The following CD99L2 variants were observed in gnomAD, a reference collection of about 807,000 sequenced individuals.
The protein encoded by CD99L2 is CD99 molecule like 2.
CD99L2 carries 24 observed loss-of-function variants against 27.3 expected under a neutral mutation model. The observed-to-expected ratio is 0.88, with a 90% CI of 0.64 to 1.24. The LOEUF is 1.24. Ranked by LOEUF, CD99L2 falls within the 50% of genes most tolerant of loss-of-function variation. CD99L2 has a pLI of 0.00. For missense variants in CD99L2, 255 were observed against 221.6 expected (o/e 1.15, Z -0.96); for synonymous variants, 97 against 87.9 (o/e 1.10, Z -0.58).
chrX:150,844,586 C>T (rs781950822), intron 1 of CD99L2, among the ~76,000 whole-genome samples: 1 of 112,236 alleles, frequency 8.9e-6, no homozygotes, highest in East Asian at 2.8e-4. Context: ...TGCTTTCACA[C>T]CTCAAAGCAT....
chrX:150,795,122 C>T, intron 6 of CD99L2, 84 bp downstream of exon 6: 1 of 1,094,201 alleles, frequency 9.1e-7, no homozygotes, highest in African/African-American at 1.8e-5. Context: ...CTTGAAGTGC[C>T]TCCAGCTCTG....
rs73611454 is a variant in CD99L2, at chrX:150,889,114, T to C, written c.67+9408A>G. ...GTGTCTTTTAAGATACATGTGACTA[T>C]GTATAGTTGCTTCCAGGTCTGTCTG... On this transcript the variant is annotated intron_variant, in intron 1 of 10. Transcript: ENST00000370377. Among the ~76,000 whole-genome samples the C allele has an allele frequency of 9.1e-3, 1,023 of 112,877 alleles. 12 individuals are homozygous for C. Among genetic ancestry groups the C allele is most frequent in the African/African-American group, 0.031 (975 of 31,120 alleles).
intron 1 of CD99L2, among the ~76,000 whole-genome samples, chrX:150,893,101 A>C (rs2047546374): frequency 8.9e-6 from 1 of 112,013 alleles, no homozygotes; most frequent in Non-Finnish European, 1.9e-5. Flanking sequence ...TCTCAAAAAA[A>C]AACAAAGAAA....
intron 1 of CD99L2, among the ~76,000 whole-genome samples, chrX:150,862,367 A>G (rs1180119894): frequency 9.0e-6 from 1 of 111,394 alleles, no homozygotes; most frequent in Non-Finnish European, 1.9e-5. Context: ...AAGGGTCCCT[A>G]TAAGTAAAAC....
intron 4 of CD99L2, among the ~76,000 whole-genome samples, chrX:150,797,010 G>T (rs2045807344): frequency 9.0e-6 from 1 of 111,506 alleles, no homozygotes; most frequent in African/African-American, 3.3e-5. Context: ...GCAGAGAGAA[G>T]TTTATAGCAC....
rs200189117 is a variant in CD99L2, at chrX:150,887,449, GAAATAAATAAAT to G, written c.67+11061_67+11072del. Among the ~76,000 whole-genome samples, 56 of 98,345 alleles carry G rather than the reference GAAATAAATAAAT, an allele frequency of 5.7e-4. No individual in the cohort carries two copies. The East Asian group carries it at 6.4e-3, about 11-fold the overall frequency. 85.4% of individuals were successfully genotyped at this position (98,345 alleles called of 115,157 possible). ...TGACAAGAGCAAAACTCCGTCTCCA[GAAATAAATAAAT>G]AAATAAATAAATAAATAAATAAATA... On this transcript the variant is annotated intron_variant, in intron 1 of 10. Transcript: ENST00000370377.
intron 1 of CD99L2, among the ~76,000 whole-genome samples, chrX:150,879,205 G>T (rs151080064): frequency 1.1e-3 from 127 of 111,953 alleles, no homozygotes; most frequent in African/African-American, 3.9e-3. Flanking sequence ...GTTTGACTGA[G>T]AATTGAAGGC....
chrX:150,885,800 T>C lies in CD99L2; in HGVS notation c.67+12722A>G, dbSNP rs570225008. Among the ~76,000 whole-genome samples the C allele has an allele frequency of 2.7e-4, 30 of 112,660 alleles. No homozygotes were observed. The South Asian group carries it at 8.8e-3, about 33-fold the overall frequency. ...TATTGTGCAATTTGATTTCTACCTATATGAATTGCCTGGTCAAATTTTTGG... is the reference window on the plus strand; with the variant it reads ...TATTGTGCAATTTGATTTCTACCTACATGAATTGCCTGGTCAAATTTTTGG... On this transcript the variant is annotated intron_variant, in intron 1 of 10. Transcript: ENST00000370377.
chrX:150,868,600 T>C (rs2047107683), intron 1 of CD99L2, among the ~76,000 whole-genome samples: 2 of 112,340 alleles, frequency 1.8e-5, no homozygotes, highest in African/African-American at 6.5e-5. Context: ...ATTCTTCCTA[T>C]CTAGCTGTAA....
intron 1 of CD99L2, among the ~76,000 whole-genome samples, chrX:150,863,488 T>G (rs782137607): frequency 3.6e-5 from 4 of 112,666 alleles, no homozygotes; most frequent in Middle Eastern, 4.6e-3. Flanking sequence ...CCACTTTCCA[T>G]GTGGATCTTG....
chrX:150,890,181 A>G (rs2124387662), intron 1 of CD99L2, among the ~76,000 whole-genome samples: 1 of 79,158 alleles, frequency 1.3e-5, no homozygotes, highest in Non-Finnish European at 2.3e-5. Flanking sequence ...TAAATAAATA[A>G]ATAAACTTGC....
chrX:150,814,503 G>A (rs942659276), intron 4 of CD99L2, among the ~76,000 whole-genome samples: 2 of 112,210 alleles, frequency 1.8e-5, no homozygotes, highest in South Asian at 7.3e-4. Context: ...ACAGCGTGCC[G>A]CTCTCCTCAA....
At chrX:150,813,902 T>TA (rs2046111571) in intron 4 of CD99L2, among the ~76,000 whole-genome samples, 1 of 112,176 alleles carries the variant, frequency 8.9e-6, no homozygotes, top group Non-Finnish European at 1.9e-5. Context: ...CCTGTCAATT[T>TA]AAAGAAACCC....
At chrX:150,794,497 G>C (rs929731186) in intron 6 of CD99L2, among the ~76,000 whole-genome samples, 4 of 112,226 alleles carry the variant, frequency 3.6e-5, no homozygotes, top group Non-Finnish European at 7.5e-5. Context: ...ACTGACACAA[G>C]GAAGCAGAAA....
chrX:150,782,027 C>G (rs2045520954), intron 7 of CD99L2, among the ~76,000 whole-genome samples: 1 of 111,911 alleles, frequency 8.9e-6, no homozygotes, highest in Non-Finnish European at 1.9e-5. Flanking sequence ...AACCTGGGCT[C>G]ACCGTGAGTG....
At chrX:150,865,942 G>A (rs1217874565) in intron 1 of CD99L2, among the ~76,000 whole-genome samples, 5 of 111,319 alleles carry the variant, frequency 4.5e-5, no homozygotes, top group African/African-American at 6.5e-5. Context: ...CCAACGTAGT[G>A]AAAACCCATC....
At chrX:150,860,312 CATACGTTCAAA>C (rs2124316335) in intron 1 of CD99L2, among the ~76,000 whole-genome samples, 1 of 138 alleles carries the variant, frequency 7.2e-3, no homozygotes, top group South Asian at 0.25. Context: ...ATAGAAGAAA[CATACGTTCAAA>C]ATACTAACAG....
At chrX:150,791,568 G>T (rs1232395887) in intron 7 of CD99L2, among the ~76,000 whole-genome samples, 1 of 111,725 alleles carries the variant, frequency 9.0e-6, no homozygotes, top group Non-Finnish European at 1.9e-5. Flanking sequence ...GAAGCCATTG[G>T]GAACCACAGT....
Position 150,797,131 on chromosome X carries a change from A to G in CD99L2, c.278-1645T>C, listed in dbSNP as rs137914443. Among the ~76,000 whole-genome samples, 936 of 111,287 alleles carry G rather than the reference A, an allele frequency of 8.4e-3. 11 individuals are homozygous for G. Among genetic ancestry groups the G allele is most frequent in the African/African-American group, 0.029 (889 of 30,641 alleles). ...GATACTAGAAAAACAAAACCAAAGC[A>G]AGCAGATGGAAAAAATAAACACAAG... is the stretch of plus-strand genomic sequence containing the variant. On this transcript the variant is annotated intron_variant, in intron 4 of 10. Coordinates refer to ENST00000370377, the MANE Select transcript of CD99L2 (RefSeq NM_031462.4).
Sources: gnomAD v4.1 joint callset for allele counts (sites outside exome capture counted in the v4.1 genomes callset) on GRCh38, gnomAD v4.1.1 for gene constraint, MANE v1.5 for transcripts, NCBI Gene and HGNC (gene_info 2026-07-23, HGNC 2026-07-21) for gene names.